The following C10orf67 variants were observed in gnomAD, a reference collection of about 807,000 sequenced individuals.
The protein encoded by C10orf67 is uncharacterized protein C10orf67, mitochondrial.
In C10orf67, 60 loss-of-function variants were observed where a neutral mutation model predicts 35.6. The observed-to-expected ratio is 1.68, with a 90% CI of 1.37 to 2.09. The LOEUF (loss-of-function observed/expected upper bound fraction) is 2.09, where lower values mean the gene tolerates loss of function less well. Among genes scored for constraint, C10orf67 ranks in the 30% most tolerant of loss-of-function variants. The pLI, the probability that C10orf67 is intolerant of heterozygous loss-of-function variation, is 0.00. For missense variants in C10orf67, 474 were observed against 330.2 expected (o/e 1.44, Z -3.38); for synonymous variants, 167 against 115.8 (o/e 1.44, Z -2.84).
chr10:23,223,511 C>T, intron 15 of C10orf67, 87 bp downstream of exon 15: 1 of 704,648 alleles, frequency 1.4e-6, no homozygotes, highest in Non-Finnish European at 2.6e-6. Flanking sequence ...ATACCAAATA[C>T]CTCAGGGTAA....
intron 15 of C10orf67, among the ~76,000 whole-genome samples, chr10:23,216,284 C>A (rs1276024802): frequency 6.6e-6 from 1 of 152,078 alleles, no homozygotes; most frequent in African/African-American, 2.4e-5. Context: ...TATTAGTTAT[C>A]AGGGAATTTC....
chr10:23,341,504 T>C (rs1267638095), intron 1 of C10orf67, among the ~76,000 whole-genome samples: 1 of 152,164 alleles, frequency 6.6e-6, no homozygotes, highest in Non-Finnish European at 1.5e-5. Flanking sequence ...CTCACTATAG[T>C]CTATTATCTA....
chr10:23,275,699 A>G (rs1309417774), intron 8 of C10orf67, among the ~76,000 whole-genome samples: 1 of 151,758 alleles, frequency 6.6e-6, no homozygotes, highest in Non-Finnish European at 1.5e-5. Flanking sequence ...CAGCTTGGAA[A>G]CCTCAACTGA....
chr10:23,284,519 C>CA (rs937354576), intron 7 of C10orf67, among the ~76,000 whole-genome samples: 4,238 of 132,192 alleles, frequency 0.032, 187 homozygotes, highest in African/African-American at 0.11. Context: ...ACCATCTCCA[C>CA]AAAAAAAAAA....
chr10:23,238,737 A>G (rs1436959662), intron 13 of C10orf67, among the ~76,000 whole-genome samples: 3 of 152,208 alleles, frequency 2.0e-5, no homozygotes, highest in African/African-American at 4.8e-5. Flanking sequence ...ACTCCAACTA[A>G]AATTATAACC....
chr10:23,285,268 G>A (rs1018831539), intron 7 of C10orf67, among the ~76,000 whole-genome samples: 1 of 150,596 alleles, frequency 6.6e-6, no homozygotes, highest in Non-Finnish European at 1.5e-5. Context: ...ATGTCTATGA[G>A]AAGTTCCAGT....
downstream of C10orf67, chr10:23,202,295 G>A (rs926211310): frequency 2.1e-4 from 32 of 152,224 alleles, no homozygotes; most frequent in African/African-American, 6.8e-4. Flanking sequence ...AAGGAAAAGC[G>A]CTGCCAGTTG....
intron 2 of C10orf67, among the ~76,000 whole-genome samples, chr10:23,328,962 G>A (rs543570462): frequency 3.6e-5 from 5 of 138,986 alleles, no homozygotes; most frequent in Non-Finnish European, 7.6e-5. Flanking sequence ...TCCAGCCTGG[G>A]CAACAGAGTG....
In C10orf67 at chr10:23,221,671, T is replaced by C. The variant is rs558041459; in HGVS notation, c.1570+1927A>G. ...ATTTTGTCCCTTTAAATGTCCAGCC[T>C]GAATGCGTGAAATGCAAGGCATTAC... On this transcript the variant is annotated intron_variant, in intron 15 of 15. Transcript: ENST00000636213. 3.3e-5 allele frequency among the ~76,000 whole-genome samples: 5 copies of C among 152,344 alleles called. No homozygotes were observed. The South Asian group carries it at 1.0e-3, about 32-fold the overall frequency.
chr10:23,271,248 T>C (rs553861772), intron 8 of C10orf67, among the ~76,000 whole-genome samples: 1 of 152,316 alleles, frequency 6.6e-6, no homozygotes, highest in South Asian at 2.1e-4. Flanking sequence ...ATGCACCCAA[T>C]ACTGGAGCAC....
intron 8 of C10orf67, among the ~76,000 whole-genome samples, chr10:23,272,022 T>C (rs1380057330): frequency 1.3e-5 from 2 of 152,126 alleles, no homozygotes; most frequent in Non-Finnish European, 2.9e-5. Context: ...ATTCAGGTGA[T>C]CCACCCACCT....
At position 23,320,736 on chromosome 10, in the gene C10orf67, C is replaced by G. The variant is rs1442701714; in HGVS notation, c.546+5G>C. 1 of 1,583,964 alleles carries G rather than the reference C, an allele frequency of 6.3e-7. No homozygotes were observed. Among genetic ancestry groups the G allele is most frequent in the Non-Finnish European group, 8.6e-7 (1 of 1,163,198 alleles). On this transcript the variant is annotated splice_donor_5th_base_variant and intron_variant, in intron 4 of 15. Transcript: ENST00000636213. Reference sequence around the variant, plus strand: ...ACAACTACGGCACCAGAAACAGAAACTCACCTGGTACATTCCTTTGATAAC... The same window carrying G: ...ACAACTACGGCACCAGAAACAGAAAGTCACCTGGTACATTCCTTTGATAAC...
intron 10 of C10orf67, among the ~76,000 whole-genome samples, chr10:23,254,534 A>C (rs1842548401): frequency 6.6e-6 from 1 of 152,196 alleles, no homozygotes. Flanking sequence ...TTTATTATAA[A>C]TATTTCTCAT....
In C10orf67 at chr10:23,232,444, G is replaced by A. The variant is rs560116356; in HGVS notation, c.1434+7285C>T. Among the ~76,000 whole-genome samples, 35 of 152,340 alleles carry A rather than the reference G, an allele frequency of 2.3e-4. No individual in the cohort carries two copies. In the South Asian group the frequency reaches 7.2e-3, roughly 32 times the overall value. On this transcript the variant is annotated intron_variant, in intron 13 of 15. Transcript: ENST00000636213. ...ATATTTGAGATAGCAAAGAGTAGAG[G>A]TGAAATGGAGAGAACAGAACAAGAA...
intron 4 of C10orf67, among the ~76,000 whole-genome samples, chr10:23,309,319 C>G (rs1182394587): frequency 2.0e-5 from 3 of 152,090 alleles, no homozygotes; most frequent in Non-Finnish European, 4.4e-5. Flanking sequence ...GTTCTCACTT[C>G]TAAGTGGGAG....
At chr10:23,223,470 G>A (rs1841643255) in intron 15 of C10orf67, 128 bp downstream of exon 15, 1 of 657,046 alleles carries the variant, frequency 1.5e-6, no homozygotes, top group Non-Finnish European at 2.8e-6. Context: ...ATTTTATAAA[G>A]TGGCTGAAAA....
At chr10:23,314,465 GA>G (rs1051864844) in intron 4 of C10orf67, among the ~76,000 whole-genome samples, 8 of 127,064 alleles carry the variant, frequency 6.3e-5, no homozygotes, top group Non-Finnish European at 1.3e-4. Flanking sequence ...TAATGAAAAA[GA>G]AAAAAAATTA....
intron 4 of C10orf67, among the ~76,000 whole-genome samples, chr10:23,305,389 G>T (rs1316822025): frequency 1.3e-5 from 2 of 152,180 alleles, no homozygotes; most frequent in Admixed American, 1.3e-4. Flanking sequence ...TATAATCCCA[G>T]CTACTTGGGA....
intron 13 of C10orf67, among the ~76,000 whole-genome samples, chr10:23,226,231 C>T (rs996842128): frequency 3.3e-5 from 5 of 152,144 alleles, no homozygotes; most frequent in African/African-American, 4.8e-5. Context: ...CAAATTATAA[C>T]AAACTGTCTC....
Sources: allele counts gnomAD v4.1 joint callset (sites outside exome capture counted in the v4.1 genomes callset), GRCh38; gene constraint gnomAD v4.1.1; transcripts MANE v1.5; gene names NCBI Gene and HGNC (gene_info 2026-07-23, HGNC 2026-07-21).